Variants in STXBP4 observed in about 807,000 individuals in gnomAD.
STXBP4 encodes the protein syntaxin binding protein 4, also known as syntaxin-binding protein 4.
Under a neutral mutation model 76.1 loss-of-function variants are expected in STXBP4, and 55 were observed. That is an observed-to-expected ratio of 0.72 (90% confidence interval 0.58 to 0.91). The LOEUF (loss-of-function observed/expected upper bound fraction) is 0.91, where lower values mean the gene tolerates loss of function less well. Among genes scored for constraint, STXBP4 ranks in the 40% least tolerant of loss-of-function variants. The pLI, the probability that STXBP4 is intolerant of heterozygous loss-of-function variation, is 0.00. For synonymous variants in STXBP4, 201 were observed against 220.2 expected (o/e 0.91, Z 0.77); for missense variants, 618 against 636.9 (o/e 0.97, Z 0.32).
chr17:55,134,734 C>T (rs1361887520), intron 16 of STXBP4, among the ~76,000 whole-genome samples: 1 of 152,130 alleles, frequency 6.6e-6, no homozygotes, highest in Non-Finnish European at 1.5e-5. Context: ...CTCACACTCT[C>T]CTGAGGAAAG....
intron 9 of STXBP4, among the ~76,000 whole-genome samples, chr17:55,033,830 G>T (rs922918354): frequency 6.6e-6 from 1 of 152,034 alleles, no homozygotes; most frequent in Non-Finnish European, 1.5e-5. Flanking sequence ...CAAACCTCAG[G>T]TTCTTCCAGC....
intron 14 of STXBP4, 94 bp downstream of exon 14, chr17:55,078,288 A>T: frequency 2.5e-6 from 2 of 802,314 alleles, no homozygotes; most frequent in Non-Finnish European, 4.0e-6. Context: ...CTAGTGAAAC[A>T]TTCTCTAGTC....
At chr17:55,113,261 ACG>A (rs1450725740) in intron 16 of STXBP4, among the ~76,000 whole-genome samples, 23 of 142,958 alleles carry the variant, frequency 1.6e-4, no homozygotes, top group African/African-American at 5.6e-4. Context: ...ACACACACAC[ACG>A]AGGTAGCTAT....
At chr17:55,135,442 G>A (rs244311) in intron 16 of STXBP4, among the ~76,000 whole-genome samples, 97,002 of 151,842 alleles carry the variant, frequency 0.64, 31,839 homozygotes, top group African/African-American at 0.79. Flanking sequence ...AATCATGTTT[G>A]TTAATACACA....
rs1171641782 is a variant in STXBP4, at chr17:55,033,246, C to T, written c.764-922C>T. ...AAAATCAGCTGGGCATGGTGGTGCA[C>T]GCCTGTAATCCCAGCTACTCAGGAG... On this transcript the variant is annotated intron_variant, in intron 9 of 17. Transcript: ENST00000376352. Among the ~76,000 whole-genome samples, 8 of 151,870 alleles carry T rather than the reference C, an allele frequency of 5.3e-5. No individual in the cohort carries two copies. The East Asian group carries it at 5.8e-4, about 11-fold the overall frequency.
In STXBP4 at chr17:55,163,223, T is replaced by G. The variant is rs1374759357; in HGVS notation, c.*3312T>G. On this transcript the variant is annotated 3_prime_UTR_variant, in exon 18 of 18. Transcript: ENST00000376352. ...TGTTCCTATAGATTTTCTGGGTTTT[T>G]TTTTTTTTTTTGTCCTTGGAAGAAT... The G allele has an allele frequency of 6.6e-6, 1 of 151,354 alleles. No homozygotes were observed. The highest frequency in any genetic ancestry group is 1.5e-5 in the Non-Finnish European group (1 of 67,826). The allele number at this position is 151,354 out of a possible 1,614,324, so 9.4% of individuals were successfully genotyped here.
chr17:55,030,526 G>A (rs1039351478), intron 8 of STXBP4, among the ~76,000 whole-genome samples: 10 of 152,270 alleles, frequency 6.6e-5, no homozygotes, highest in Non-Finnish European at 1.0e-4. Flanking sequence ...GTTTTCAGCC[G>A]AAAATTGTGG....
At chr17:55,092,679 G>A (rs183989466) in intron 16 of STXBP4, among the ~76,000 whole-genome samples, 25 of 152,312 alleles carry the variant, frequency 1.6e-4, no homozygotes, top group Admixed American at 6.5e-4. Context: ...AAGAATGTGA[G>A]TAGTAGCTGC....
At chr17:55,013,042 T>C (rs1001244507) in intron 8 of STXBP4, among the ~76,000 whole-genome samples, 3 of 152,230 alleles carry the variant, frequency 2.0e-5, no homozygotes, top group South Asian at 4.1e-4. Context: ...GCAGTGAGTA[T>C]GCTGTTCACC....
At chr17:55,194,557 G>A in the STXBP4 span, among the ~76,000 whole-genome samples, 24,295 of 152,008 alleles carry the variant, frequency 0.16, 2,347 homozygotes, top group Non-Finnish European at 0.22. Context: ...GCTAATACTC[G>A]CCCCTCCTAC....
intron 12 of STXBP4, among the ~76,000 whole-genome samples, chr17:55,072,158 C>G (rs564716254): frequency 7.2e-5 from 11 of 152,222 alleles, no homozygotes; most frequent in African/African-American, 2.6e-4. Flanking sequence ...TCAGGCAGAC[C>G]TAGTTTCAGA....
intron 10 of STXBP4, among the ~76,000 whole-genome samples, chr17:55,039,550 C>T (rs2078662097): frequency 6.6e-6 from 1 of 151,544 alleles, no homozygotes; most frequent in South Asian, 2.1e-4. Flanking sequence ...GGTAGGTAGT[C>T]TAGATAGAGG....
At chr17:55,207,975 A>G in the STXBP4 span, among the ~76,000 whole-genome samples, 2 of 151,886 alleles carry the variant, frequency 1.3e-5, no homozygotes, top group Non-Finnish European at 2.9e-5. Context: ...TTCTTTTGTA[A>G]TTAAGAAAAG....
intron 10 of STXBP4, among the ~76,000 whole-genome samples, chr17:55,035,070 C>T (rs956581999): frequency 4.6e-5 from 7 of 151,998 alleles, no homozygotes; most frequent in African/African-American, 1.4e-4. Context: ...TATTTAAAAA[C>T]CCATCTTCAT....
intron 8 of STXBP4, among the ~76,000 whole-genome samples, chr17:55,010,053 A>T (rs2078080024): frequency 6.6e-6 from 1 of 151,896 alleles, no homozygotes; most frequent in African/African-American, 2.4e-5. Flanking sequence ...AATAAAATAA[A>T]ATAAAATAGT....
chr17:54,986,019 A>G (rs2077621955), intron 2 of STXBP4, 123 bp from the exon 3 acceptor site: 2 of 562,090 alleles, frequency 3.6e-6, no homozygotes, highest in Non-Finnish European at 6.3e-6. Context: ...CAATACATCT[A>G]ACATCTATAT....
intron 15 of STXBP4, among the ~76,000 whole-genome samples, chr17:55,080,611 A>G (rs1400265841): frequency 6.6e-6 from 1 of 152,168 alleles, no homozygotes; most frequent in Non-Finnish European, 1.5e-5. Flanking sequence ...TTAAGAGATA[A>G]TTTCAGGAGC....
intron 3 of STXBP4, among the ~76,000 whole-genome samples, chr17:54,989,582 T>C (rs2077683500): frequency 6.6e-6 from 1 of 152,166 alleles, no homozygotes; most frequent in Non-Finnish European, 1.5e-5. Flanking sequence ...TTTTGGGTCT[T>C]TTAAAAAAAT....
chr17:54,988,792 A>G (rs2077665348), intron 3 of STXBP4, among the ~76,000 whole-genome samples: 1 of 151,976 alleles, frequency 6.6e-6, no homozygotes, highest in Non-Finnish European at 1.5e-5. Context: ...AAAAAGAATG[A>G]ATTTAGGGTG....
Sources: gnomAD v4.1 joint callset for allele counts (sites outside exome capture counted in the v4.1 genomes callset) on GRCh38, gnomAD v4.1.1 for gene constraint, MANE v1.5 for transcripts, NCBI Gene and HGNC (gene_info 2026-07-23, HGNC 2026-07-21) for gene names.